ARFIP1: variants seen among roughly 807,000 people sequenced by gnomAD.
The protein encoded by ARFIP1 is arfaptin-1.
ARFIP1 carries 24 observed loss-of-function variants against 42.5 expected under a neutral mutation model. The ratio of observed to expected loss-of-function variants is 0.57; its 90% CI spans 0.41 to 0.80. ARFIP1 has a LOEUF of 0.80. ARFIP1 is among the 30% of genes least tolerant of loss of function. The pLI is 0.00. For missense variants in ARFIP1, 354 were observed against 434.0 expected (o/e 0.82, Z 1.64); for synonymous variants, 141 against 153.7 (o/e 0.92, Z 0.61).
At chr4:152,850,490 G>A (rs1732891507) in intron 2 of ARFIP1, among the ~76,000 whole-genome samples, 2 of 152,074 alleles carry the variant, frequency 1.3e-5, no homozygotes, top group Admixed American at 1.3e-4. Flanking sequence ...AGTGAGGAAG[G>A]TGACACACAG....
chr4:152,871,305 T>C (rs1030269380), intron 4 of ARFIP1, among the ~76,000 whole-genome samples: 9 of 152,202 alleles, frequency 5.9e-5, no homozygotes, highest in African/African-American at 2.2e-4. Context: ...AGTTTGCAGA[T>C]TGCAACACAA....
chr4:152,831,945 G>A (rs76463551), intron 2 of ARFIP1, among the ~76,000 whole-genome samples: 1 of 146,458 alleles, frequency 6.8e-6, no homozygotes, highest in Non-Finnish European at 1.5e-5. Context: ...CCCACCCCCC[G>A]AGTATTTCAG....
chr4:152,890,643 G>T (rs1465316447), intron 8 of ARFIP1, among the ~76,000 whole-genome samples: 4 of 152,140 alleles, frequency 2.6e-5, no homozygotes, highest in Non-Finnish European at 5.9e-5. Flanking sequence ...AGCTGGTGTG[G>T]CCTGAACGGG....
intron 8 of ARFIP1, 49 bp downstream of exon 8, chr4:152,888,356 T>A: frequency 7.7e-7 from 1 of 1,295,818 alleles, no homozygotes; most frequent in Non-Finnish European, 1.0e-6. Context: ...GAAGTCACCC[T>A]AAAGAGAGAT....
At chr4:152,852,274 A>G (rs1202499623) in intron 2 of ARFIP1, among the ~76,000 whole-genome samples, 6 of 152,236 alleles carry the variant, frequency 3.9e-5, no homozygotes, top group Non-Finnish European at 7.3e-5. Flanking sequence ...GAGTAAATTC[A>G]GTAGCAGATA....
chr4:152,858,366 T>C (rs1393176191), intron 2 of ARFIP1, among the ~76,000 whole-genome samples: 1 of 152,178 alleles, frequency 6.6e-6, no homozygotes, highest in Admixed American at 6.5e-5. Flanking sequence ...CCTTCCTATT[T>C]TGTTTTTTAT....
intron 8 of ARFIP1, among the ~76,000 whole-genome samples, chr4:152,891,711 T>C (rs1736864933): frequency 6.6e-6 from 1 of 152,132 alleles, no homozygotes; most frequent in Non-Finnish European, 1.5e-5. Context: ...CGTTTGTTTG[T>C]TTCTTGTTTT....
In ARFIP1 at chr4:152,910,187, G is replaced by A; in HGVS notation, c.1090G>A (p.Val364Met). The A allele has an allele frequency of 1.2e-6, 2 of 1,613,902 alleles. No homozygotes were observed. The highest frequency in any genetic ancestry group is 1.7e-6 in the Non-Finnish European group (2 of 1,179,932). ...QFHIKLKTPGVDAPSWLEEQ is the reference protein window; with the variant it reads ...QFHIKLKTPGMDAPSWLEEQ ...CCATATCAAATTGAAAACCCCTGGA[G>A]TGGATGCCCCATCTTGGCTTGAAGA... The change falls in exon 9 of 9, where the codon GTG becomes ATG. Residue 364 changes from valine (V) to methionine (M), a missense_variant. Transcript: ENST00000353617.
At chr4:152,904,498 T>C (rs1738138674) in intron 8 of ARFIP1, among the ~76,000 whole-genome samples, 1 of 152,082 alleles carries the variant, frequency 6.6e-6, no homozygotes, top group Non-Finnish European at 1.5e-5. Flanking sequence ...CCCCATCACC[T>C]AAATATTAAG....
At chr4:152,844,239 C>G (rs968159452) in intron 2 of ARFIP1, among the ~76,000 whole-genome samples, 1 of 152,200 alleles carries the variant, frequency 6.6e-6, no homozygotes, top group Non-Finnish European at 1.5e-5. Flanking sequence ...TTCCCACTTC[C>G]GTAGTTGGGG....
intron 8 of ARFIP1, among the ~76,000 whole-genome samples, chr4:152,909,045 T>C (rs1738621418): frequency 6.6e-6 from 1 of 152,170 alleles, no homozygotes; most frequent in Non-Finnish European, 1.5e-5. Flanking sequence ...GAATGTCATA[T>C]TGGATGGGAA....
intron 1 of ARFIP1, among the ~76,000 whole-genome samples, chr4:152,812,904 C>T (rs1423342037): frequency 6.6e-6 from 1 of 152,066 alleles, no homozygotes; most frequent in Non-Finnish European, 1.5e-5. Context: ...CTGTTGAATC[C>T]ACCTTTTTTC....
intron 2 of ARFIP1, among the ~76,000 whole-genome samples, chr4:152,830,965 T>A (rs1731204009): frequency 6.6e-6 from 1 of 152,206 alleles, no homozygotes; most frequent in Admixed American, 6.5e-5. Context: ...TTTATTTTAA[T>A]GGCAAGTGCT....
At chr4:152,783,786 G>C (rs995338367) in intron 1 of ARFIP1, among the ~76,000 whole-genome samples, 1 of 152,144 alleles carries the variant, frequency 6.6e-6, no homozygotes, top group Non-Finnish European at 1.5e-5. Context: ...AGTGAATTTG[G>C]TGGAGGCAGT....
chr4:152,894,239 C>G (rs192124919), intron 8 of ARFIP1, among the ~76,000 whole-genome samples: 47 of 151,080 alleles, frequency 3.1e-4, no homozygotes, highest in Admixed American at 1.8e-3. Flanking sequence ...AAAAAATGCT[C>G]AAAGCCTAGT....
intron 3 of ARFIP1, among the ~76,000 whole-genome samples, chr4:152,868,535 C>T (rs1411574128): frequency 6.6e-6 from 1 of 152,088 alleles, no homozygotes; most frequent in Non-Finnish European, 1.5e-5. Context: ...GCTGAAGTCC[C>T]AGTTACAGCC....
intron 1 of ARFIP1, among the ~76,000 whole-genome samples, chr4:152,822,295 G>GTAAAAAAAAAAAAAAAAAAAAAAAAACAA (rs1491341568): frequency 2.5e-5 from 1 of 39,964 alleles, no homozygotes; most frequent in Non-Finnish European, 4.3e-5. Context: ...AGCAACAGCA[G>GTAAAAAAAAAAAAAAAAAAAAAAAAACAA]TAAAAAAAAA....
chr4:152,800,979 C>T lies in ARFIP1; in HGVS notation c.-10+20753C>T, dbSNP rs112099296. Among the ~76,000 whole-genome samples the T allele has an allele frequency of 4.1e-3, 623 of 151,980 alleles. 5 individuals carry two copies. The highest frequency in any genetic ancestry group is 0.013 in the South Asian group (61 of 4,812). On this transcript the variant is annotated intron_variant, in intron 1 of 8. Transcript: ENST00000353617. ...CACAGATAAAGAACATTGAGAAATA[C>T]GTATGGAGAAGAGTAAGTTTGATTT...
chr4:152,802,160 C>T (rs1048045604), intron 1 of ARFIP1, among the ~76,000 whole-genome samples: 4 of 151,984 alleles, frequency 2.6e-5, no homozygotes, highest in African/African-American at 7.2e-5. Context: ...TTTTCGTAGG[C>T]AAAAATCTGA....
Sources: allele counts gnomAD v4.1 joint callset (sites outside exome capture counted in the v4.1 genomes callset), GRCh38; gene constraint gnomAD v4.1.1; transcripts MANE v1.5; gene names NCBI Gene and HGNC (gene_info 2026-07-23, HGNC 2026-07-21).